The following UGCG variants were observed in gnomAD, a reference collection of about 807,000 sequenced individuals.
UGCG encodes UDP-glucose ceramide glucosyltransferase.
A neutral mutation model predicts 49.5 loss-of-function variants in UGCG; 10 were observed. The observed-to-expected ratio is 0.20, with a 90% confidence interval of 0.12 to 0.34. UGCG has a LOEUF of 0.34. Ranked by LOEUF, UGCG falls within the 10% of genes least tolerant of loss-of-function variation. The probability of loss-of-function intolerance (pLI) is 1.00; values close to 1 mark genes in which losing one functional copy is unlikely to be tolerated. For missense variants in UGCG, 312 were observed against 483.7 expected (o/e 0.65, Z 3.33); for synonymous variants, 182 against 158.2 (o/e 1.15, Z -1.13).
intron 5 of UGCG, among the ~76,000 whole-genome samples, chr9:111,927,352 G>A (rs1838333718): frequency 6.6e-6 from 1 of 151,426 alleles, no homozygotes; most frequent in Non-Finnish European, 1.5e-5. Flanking sequence ...ACATCCATAG[G>A]AAACTATAAA....
rs1050413463 is a variant in UGCG, at chr9:111,896,818, C to G, written c.-398C>G. On this transcript the variant is annotated 5_prime_UTR_variant, in exon 1 of 9. Coordinates refer to ENST00000374279, the MANE Select transcript of UGCG (RefSeq NM_003358.3). Reference sequence around the variant, plus strand: ...CGCGAGCCGCCGGTTTTGATTAGTGCGCGGAGCTGCGGCGGTGGAGCTGCT... The same window carrying G: ...CGCGAGCCGCCGGTTTTGATTAGTGGGCGGAGCTGCGGCGGTGGAGCTGCT... 3 of 151,416 alleles carry G rather than the reference C, an allele frequency of 2.0e-5. No homozygotes were observed. Among genetic ancestry groups the G allele is most frequent in the African/African-American group, 4.9e-5 (2 of 41,186 alleles). 9.4% of individuals were successfully genotyped at this position (151,416 alleles called of 1,614,324 possible).
rs1441419429 is a variant in UGCG, at chr9:111,932,253, T to C, written c.908T>C (p.Ile303Thr). The C allele has an allele frequency of 1.9e-6, 3 of 1,614,186 alleles. No individual in the cohort carries two copies. The highest frequency in any genetic ancestry group is 2.5e-6 in the Non-Finnish European group (3 of 1,180,002). The part of the protein sequence containing the change: ...ISECFVASLI[I>T]GWAAHHVFRW... ...GAATGCTTTGTTGCCAGTTTAATTATTGGATGGGCAGCCCACCATGTGTTC... is the reference window on the plus strand; with the variant it reads ...GAATGCTTTGTTGCCAGTTTAATTACTGGATGGGCAGCCCACCATGTGTTC... Residue 303 changes from isoleucine to threonine, a missense_variant, in exon 8 of 9, where the codon ATT becomes ACT. This residue lies in a region of UGCG where 180 missense variants were observed against 320.4 expected (regional missense o/e 0.56). Transcript: ENST00000374279.
intron 2 of UGCG, chr9:111,915,862 T>C: frequency 2.1e-6 from 2 of 970,216 alleles, no homozygotes; most frequent in African/African-American, 3.5e-5. Flanking sequence ...TATCATTCAG[T>C]TGTATTTTTA....
intron 3 of UGCG, among the ~76,000 whole-genome samples, chr9:111,924,387 A>G (rs1589527335): frequency 6.6e-6 from 1 of 152,220 alleles, no homozygotes; most frequent in African/African-American, 2.4e-5. Context: ...ACATGTTGTT[A>G]TATACTTTCT....
chr9:111,916,848 GT>G (rs1838121239), intron 2 of UGCG, among the ~76,000 whole-genome samples: 1 of 151,726 alleles, frequency 6.6e-6, no homozygotes, highest in African/African-American at 2.4e-5. Context: ...CTGATTTCTT[GT>G]GAATGAAGAT....
chr9:111,929,724 T>C (rs771398735), intron 6 of UGCG, 46 bp downstream of exon 6: 1 of 1,595,362 alleles, frequency 6.3e-7, no homozygotes, highest in East Asian at 2.2e-5. Context: ...ACCTAACTTC[T>C]GTTGGTTTAT....
At position 111,922,878 on chromosome 9, in the gene UGCG, T is replaced by C. The variant is rs1490380896; in HGVS notation, c.270T>C (p.His90=). 11 of 1,612,932 alleles carry C rather than the reference T, an allele frequency of 6.8e-6. No individual in the cohort carries two copies. Among genetic ancestry groups the C allele is most frequent in the Non-Finnish European group, 8.5e-6 (10 of 1,179,584 alleles). ...AAGTGCTCCTTTGTGTACAAGATCA[T>C]GATGATCCAGCCATTGATGTATGTA... is the stretch of plus-strand genomic sequence containing the variant. ...KYEVLLCVQD[H]DDPAIDVCKK... is the part of the protein sequence containing the mutation. Residue 90 remains histidine, a synonymous_variant, in exon 3 of 9, where the codon CAT becomes CAC. Transcript: ENST00000374279.
At chr9:111,919,906 C>T (rs560878531) in intron 2 of UGCG, among the ~76,000 whole-genome samples, 77 of 152,224 alleles carry the variant, frequency 5.1e-4, no homozygotes, top group African/African-American at 1.9e-3. Context: ...TTACTTTTGC[C>T]GTTTGAAAAG....
At chr9:111,912,963 T>C (rs1366787860) in intron 1 of UGCG, among the ~76,000 whole-genome samples, 2 of 152,216 alleles carry the variant, frequency 1.3e-5, no homozygotes, top group Non-Finnish European at 2.9e-5. Flanking sequence ...AGATGTTTGC[T>C]ACAGCACACA....
chr9:111,925,572 G>A (rs924086722), intron 4 of UGCG, among the ~76,000 whole-genome samples: 2 of 152,182 alleles, frequency 1.3e-5, no homozygotes, highest in East Asian at 1.9e-4. Flanking sequence ...AGATGTTGCC[G>A]GATGTCCCCT....
chr9:111,930,470 GT>G (rs35175614), intron 6 of UGCG, among the ~76,000 whole-genome samples: 56,289 of 132,624 alleles, frequency 0.42, 10,111 homozygotes, highest in East Asian at 0.64. Context: ...TTTTGTTTTG[GT>G]TTTTTTTTTT....
At position 111,914,274 on chromosome 9, in the gene UGCG, G is replaced by A. The variant is rs369538297; in HGVS notation, c.99-331G>A. Among the ~76,000 whole-genome samples, 253 of 152,190 alleles carry A rather than the reference G, an allele frequency of 1.7e-3. 6 individuals carry two copies. In the South Asian group the frequency reaches 0.051, roughly 31 times the overall value. ...ATAGTCAGAGAGTAGTACATCATGG[G>A]TATTCAATCTTTTGGCTTCCCTTGG... On this transcript the variant is annotated intron_variant, in intron 1 of 8. Coordinates refer to ENST00000374279, the MANE Select transcript of UGCG (RefSeq NM_003358.3).
rs191045738 is a variant in UGCG, at chr9:111,898,389, T to G, written c.98+1076T>G. On this transcript the variant is annotated intron_variant, in intron 1 of 8. Coordinates refer to ENST00000374279, the MANE Select transcript of UGCG (RefSeq NM_003358.3). ...TTTAAGAAATTAGTTACTTTTAGTT[T>G]TTTGGTTTTTTTTTTTTCCTTTTTA... 6.6e-5 allele frequency among the ~76,000 whole-genome samples: 10 copies of G among 151,052 alleles called. No individual in the cohort carries two copies. The East Asian group carries it at 1.7e-3, about 26-fold the overall frequency.
chr9:111,922,770 C>A, intron 2 of UGCG, 79 bp from the exon 3 acceptor site: 1 of 980,988 alleles, frequency 1.0e-6, no homozygotes, highest in Non-Finnish European at 1.5e-6. Flanking sequence ...TTTTCCTGTG[C>A]TTTTTGTTCA....
intron 2 of UGCG, chr9:111,915,647 G>A (rs190801932): frequency 7.6e-5 from 25 of 329,084 alleles, no homozygotes; most frequent in Middle Eastern, 1.6e-3. Context: ...TGGGAGAGTC[G>A]TCCCTCTTAA....
intron 1 of UGCG, among the ~76,000 whole-genome samples, chr9:111,908,405 A>G (rs532217957): frequency 1.3e-5 from 2 of 152,346 alleles, no homozygotes; most frequent in African/African-American, 2.4e-5. Flanking sequence ...CAGGACAGTG[A>G]GTACCCTTGA....
chr9:111,900,987 C>G (rs548626382), intron 1 of UGCG, among the ~76,000 whole-genome samples: 1 of 152,014 alleles, frequency 6.6e-6, no homozygotes, highest in Non-Finnish European at 1.5e-5. Context: ...CTGGGACTAC[C>G]GGTGCATGCC....
intron 2 of UGCG, chr9:111,915,827 C>T: frequency 1.0e-6 from 1 of 983,224 alleles, no homozygotes; most frequent in Non-Finnish European, 1.2e-6. Flanking sequence ...CTTAATGCAG[C>T]ACTTATTAAG....
intron 4 of UGCG, among the ~76,000 whole-genome samples, chr9:111,925,192 ACT>A (rs371051349): frequency 1.1e-4 from 17 of 152,312 alleles, no homozygotes; most frequent in East Asian, 9.6e-4. Context: ...TTTGCCTGAC[ACT>A]TATCTTTAAT....
Sources: allele counts gnomAD v4.1 joint callset (sites outside exome capture counted in the v4.1 genomes callset), GRCh38; gene constraint gnomAD v4.1.1; regional missense constraint gnomAD v4.1.1; transcripts MANE v1.5; gene names NCBI Gene and HGNC (gene_info 2026-07-23, HGNC 2026-07-21).